COLEC12: variants seen among roughly 807,000 people sequenced by gnomAD.
COLEC12 encodes the protein collectin subfamily member 12.
Under a neutral mutation model 71.1 loss-of-function variants are expected in COLEC12, and 33 were observed. The ratio of observed to expected loss-of-function variants is 0.46; its 90% CI spans 0.35 to 0.62. The LOEUF (loss-of-function observed/expected upper bound fraction) is 0.62. Among genes scored for constraint, COLEC12 ranks in the 20% least tolerant of loss-of-function variants. The pLI is 0.00. For missense variants in COLEC12, 765 were observed against 916.1 expected (o/e 0.84, Z 2.13); for synonymous variants, 350 against 353.0 (o/e 0.99, Z 0.10).
intron 2 of COLEC12, among the ~76,000 whole-genome samples, chr18:437,894 CG>C (rs1319212636): frequency 1.1e-4 from 16 of 152,106 alleles, no homozygotes; most frequent in Non-Finnish European, 2.1e-4. Flanking sequence ...AAACTAGACT[CG>C]GGAAAACAGG....
chr18:336,914 G>A (rs1914131705), intron 5 of COLEC12, among the ~76,000 whole-genome samples: 1 of 151,996 alleles, frequency 6.6e-6, no homozygotes, highest in Admixed American at 6.5e-5. Context: ...GGAGGAGAGT[G>A]GCATGATCAT....
chr18:377,649 C>A (rs576494805), intron 2 of COLEC12, among the ~76,000 whole-genome samples: 1 of 152,230 alleles, frequency 6.6e-6, no homozygotes, highest in Non-Finnish European at 1.5e-5. Flanking sequence ...TTGGACCCTG[C>A]TGCACTGGAG....
At chr18:428,325 C>T (rs911589051) in intron 2 of COLEC12, among the ~76,000 whole-genome samples, 7 of 152,030 alleles carry the variant, frequency 4.6e-5, no homozygotes, top group Admixed American at 2.6e-4. Flanking sequence ...CAGGCCTTGC[C>T]TTGTTCTATG....
At chr18:391,885 G>A (rs1043283734) in intron 2 of COLEC12, among the ~76,000 whole-genome samples, 1 of 152,142 alleles carries the variant, frequency 6.6e-6, no homozygotes, top group African/African-American at 2.4e-5. Flanking sequence ...TCTGGCTATT[G>A]AATATCAACA....
chr18:422,486 T>C (rs1362268139), intron 2 of COLEC12, among the ~76,000 whole-genome samples: 5 of 152,202 alleles, frequency 3.3e-5, no homozygotes, highest in Non-Finnish European at 7.3e-5. Flanking sequence ...CCAGGCCATA[T>C]GCTAAGAACT....
Position 458,501 on chromosome 18 carries a change from C to T in COLEC12, c.58+22206G>A, listed in dbSNP as rs555155288. Among the ~76,000 whole-genome samples, 18 of 152,318 alleles carry T rather than the reference C, an allele frequency of 1.2e-4. 1 individual carries two copies. In the South Asian group the frequency reaches 3.7e-3, roughly 32 times the overall value. ...ATCCAGGTTGGCCCTCTCCTCTAGC[C>T]ACAGGCATTGGCAAACTGCTGTTCC... On this transcript the variant is annotated intron_variant, in intron 2 of 9. Transcript: ENST00000400256.
Position 319,341 on chromosome 18 carries a change from A to AATATATATAT in COLEC12, c.*694_*703dup, listed in dbSNP as rs1555611774. On this transcript the variant is annotated 3_prime_UTR_variant, in exon 10 of 10. Coordinates refer to ENST00000400256, the MANE Select transcript of COLEC12 (RefSeq NM_130386.3). The stretch of plus-strand genomic sequence containing the variant: ...AACATTAAAAAAAAAAAAAAAAAAA[A>AATATATATAT]ATATATATATATATATATATATACA... The AATATATATAT allele has an allele frequency of 4.5e-5, 3 of 67,172 alleles. No individual in the cohort carries two copies. Among genetic ancestry groups the AATATATATAT allele is most frequent in the African/African-American group, 1.5e-4 (3 of 20,552 alleles). The allele number at this position is 67,172 out of a possible 1,614,324, so 4.2% of individuals were successfully genotyped here.
chr18:438,460 A>C (rs8091082), intron 2 of COLEC12, among the ~76,000 whole-genome samples: 13,162 of 152,226 alleles, frequency 0.086, 623 homozygotes, highest in African/African-American at 0.12. Context: ...TTTATAAGTC[A>C]AGTTTAGCTG....
At chr18:377,471 C>T (rs1915138823) in intron 2 of COLEC12, among the ~76,000 whole-genome samples, 1 of 152,170 alleles carries the variant, frequency 6.6e-6, no homozygotes, top group Admixed American at 6.5e-5. Context: ...AGGCGTATCC[C>T]CTGCAATCTG....
chr18:477,697 C>T (rs1917332497), intron 2 of COLEC12, among the ~76,000 whole-genome samples: 1 of 152,162 alleles, frequency 6.6e-6, no homozygotes, highest in Non-Finnish European at 1.5e-5. Context: ...ACTTGTCCAT[C>T]CATCTGACAT....
chr18:320,457 T>C (rs1355070162), intron 9 of COLEC12, among the ~76,000 whole-genome samples: 1 of 152,210 alleles, frequency 6.6e-6, no homozygotes, highest in African/African-American at 2.4e-5. Flanking sequence ...CTTGGACCAA[T>C]GCCTGACACA....
intron 1 of COLEC12, among the ~76,000 whole-genome samples, chr18:489,470 A>C (rs530684495): frequency 6.6e-6 from 1 of 152,200 alleles, no homozygotes; most frequent in Non-Finnish European, 1.5e-5. Flanking sequence ...TATATATCCT[A>C]ACCTAACTCT....
At chr18:454,814 G>C (rs957570035) in intron 2 of COLEC12, among the ~76,000 whole-genome samples, 12 of 152,210 alleles carry the variant, frequency 7.9e-5, no homozygotes, top group Admixed American at 2.0e-4. Context: ...TCTGCCATGA[G>C]GGCAGGTCTT....
intron 3 of COLEC12, among the ~76,000 whole-genome samples, chr18:356,436 A>C (rs992710773): frequency 6.6e-6 from 1 of 152,128 alleles, no homozygotes; most frequent in African/African-American, 2.4e-5. Flanking sequence ...TCTGGCCCTG[A>C]CACCCATCTC....
At chr18:355,047 G>GCATC (rs112034077) in intron 3 of COLEC12, among the ~76,000 whole-genome samples, 7,272 of 150,352 alleles carry the variant, frequency 0.048, 180 homozygotes, top group Admixed American at 0.086. Flanking sequence ...ATCCATCCAT[G>GCATC]CATCCATCCA....
rs201375157 is a variant in COLEC12, at chr18:350,206, G to A, written c.182-2043C>T. Among the ~76,000 whole-genome samples, 9 of 152,248 alleles carry A rather than the reference G, an allele frequency of 5.9e-5. No homozygotes were observed. The East Asian group carries it at 1.2e-3, about 20-fold the overall frequency. On this transcript the variant is annotated intron_variant, in intron 3 of 9. Transcript: ENST00000400256. Reference sequence around the variant, plus strand: ...AGTGGGAGATAATTTGAATCATGGGGGCGGTTTCCCCCATACTGTTCTCAT... The same window carrying A: ...AGTGGGAGATAATTTGAATCATGGGAGCGGTTTCCCCCATACTGTTCTCAT...
chr18:435,127 C>T (rs17564381), intron 2 of COLEC12, among the ~76,000 whole-genome samples: 2 of 151,988 alleles, frequency 1.3e-5, no homozygotes, highest in Non-Finnish European at 2.9e-5. Context: ...ATTCTGGCAC[C>T]GAGCACACTC....
Position 468,193 on chromosome 18 carries a change from C to T in COLEC12, c.58+12514G>A, listed in dbSNP as rs940649460. Among the ~76,000 whole-genome samples, 6 of 147,944 alleles carry T rather than the reference C, an allele frequency of 4.1e-5. No homozygotes were observed. The South Asian group carries it at 6.4e-4, about 16-fold the overall frequency. On this transcript the variant is annotated intron_variant, in intron 2 of 9. Transcript: ENST00000400256. ...AGGAGAATCGCTTAAACCCGGTAGG[C>T]GGAGGTTGCAGTGAGCCGAGATCGC...
At chr18:385,181 T>C (rs1915317561) in intron 2 of COLEC12, among the ~76,000 whole-genome samples, 3 of 152,168 alleles carry the variant, frequency 2.0e-5, no homozygotes, top group Admixed American at 2.0e-4. Flanking sequence ...TGAAAATACG[T>C]AGTGTTGTCC....
Sources: gnomAD v4.1 joint callset for allele counts (sites outside exome capture counted in the v4.1 genomes callset) on GRCh38, gnomAD v4.1.1 for gene constraint, MANE v1.5 for transcripts, NCBI Gene and HGNC (gene_info 2026-07-23, HGNC 2026-07-21) for gene names.